The following POC1B variants were observed in gnomAD, a reference collection of about 807,000 sequenced individuals.
POC1B encodes the protein POC1 centriolar protein B, also known as POC1 centriolar protein homolog B.
A neutral mutation model predicts 60.6 loss-of-function variants in POC1B; 44 were observed. The ratio of observed to expected loss-of-function variants is 0.73; its 90% CI spans 0.57 to 0.93. The LOEUF (loss-of-function observed/expected upper bound fraction) is 0.93. POC1B is among the 40% of genes least tolerant of loss of function. POC1B has a pLI of 0.00. For synonymous variants in POC1B, 180 were observed against 198.9 expected (o/e 0.90, Z 0.80); for missense variants, 555 against 572.3 (o/e 0.97, Z 0.31).
chr12:89,402,353 A>ATGTGTTAT, the POC1B span, among the ~76,000 whole-genome samples: 54 of 152,046 alleles, frequency 3.6e-4, no homozygotes, highest in African/African-American at 1.3e-3. Flanking sequence ...ACACACACAC[A>ATGTGTTAT]CACACACACA....
At chr12:89,422,035 T>G (rs972741400) in intron 11 of POC1B, among the ~76,000 whole-genome samples, 1 of 138,134 alleles carries the variant, frequency 7.2e-6, no homozygotes, top group African/African-American at 2.5e-5. Context: ...TTCATTCTTT[T>G]GTATCTTTTT....
intron 2 of POC1B, among the ~76,000 whole-genome samples, chr12:89,511,308 T>C (rs570122234): frequency 4.0e-5 from 6 of 151,062 alleles, no homozygotes; most frequent in Non-Finnish European, 8.8e-5. Flanking sequence ...ACCAGCTACT[T>C]GGGAGGCTGA....
intron 3 of POC1B, among the ~76,000 whole-genome samples, chr12:89,495,635 T>C (rs1453548865): frequency 2.0e-5 from 3 of 152,174 alleles, no homozygotes; most frequent in East Asian, 1.9e-4. Context: ...CCAGTCTTTT[T>C]GGCACCAGAG....
At chr12:89,484,175 C>T (rs1868513258) in intron 4 of POC1B, among the ~76,000 whole-genome samples, 1 of 151,884 alleles carries the variant, frequency 6.6e-6, no homozygotes, top group South Asian at 2.1e-4. Flanking sequence ...GAGTAGAATA[C>T]TAAGAAATAG....
At chr12:89,490,188 C>T (rs1868880498) in intron 4 of POC1B, among the ~76,000 whole-genome samples, 1 of 152,176 alleles carries the variant, frequency 6.6e-6, no homozygotes, top group Admixed American at 6.5e-5. Flanking sequence ...GCTACTTAAC[C>T]ACCTGGTGGG....
In POC1B at chr12:89,497,248, G is replaced by T; in HGVS notation, c.195C>A (p.Ser65Arg). The change falls in exon 3 of 12, where the codon AGC becomes AGA. Residue 65 changes from serine (S) to arginine (R), a missense_variant. Coordinates refer to ENST00000313546, the MANE Select transcript of POC1B (RefSeq NM_172240.3). ...RYVGHKDVVTSVQFSPHGNLL... is the reference protein window; with the variant it reads ...RYVGHKDVVTRVQFSPHGNLL... ...AGTTTCCATGTGGAGAAAACTGCAC[G>T]CTGGTTACAACATCCTTGTGACCCA... The T allele has an allele frequency of 6.2e-7, 1 of 1,613,686 alleles. No individual in the cohort carries two copies. The highest frequency in any genetic ancestry group is 1.1e-5 in the South Asian group (1 of 91,070).
chr12:89,524,286 A>G (rs957707952), intron 2 of POC1B: 9 of 1,613,868 alleles, frequency 5.6e-6, no homozygotes, highest in Admixed American at 5.0e-5. Flanking sequence ...GCTTCAGTTC[A>G]TCCTCGTTGA....
intron 11 of POC1B, among the ~76,000 whole-genome samples, chr12:89,422,275 T>A (rs1436447288): frequency 6.6e-6 from 1 of 152,198 alleles, no homozygotes. Flanking sequence ...ATTGCTTTCT[T>A]GTGTTTCTTT....
At chr12:89,498,216 T>C (rs919185272) in intron 2 of POC1B, among the ~76,000 whole-genome samples, 1 of 152,206 alleles carries the variant, frequency 6.6e-6, no homozygotes, top group African/African-American at 2.4e-5. Context: ...ATTTGATGAT[T>C]AATAAAAGAA....
chr12:89,486,294 T>A (rs968685331), intron 4 of POC1B, among the ~76,000 whole-genome samples: 6 of 152,034 alleles, frequency 3.9e-5, no homozygotes, highest in Non-Finnish European at 5.9e-5. Context: ...AGAAGGGCAA[T>A]GTGGTGGCAT....
intron 9 of POC1B, among the ~76,000 whole-genome samples, chr12:89,465,712 G>T (rs1356711702): frequency 6.6e-6 from 1 of 151,994 alleles, no homozygotes; most frequent in African/African-American, 2.4e-5. Flanking sequence ...TACTTTAGAA[G>T]AACTGAAAAG....
the POC1B span, among the ~76,000 whole-genome samples, chr12:89,406,105 T>A: frequency 3.3e-5 from 5 of 151,406 alleles, no homozygotes; most frequent in East Asian, 2.0e-4. Context: ...ACCAGCAGAC[T>A]TCCCCCCACA....
rs778786547 is a variant in POC1B, at chr12:89,524,348, G to T, written c.100+772C>A. 3.1e-6 allele frequency: 5 copies of T among 1,613,856 alleles called. No individual in the cohort carries two copies. The African/African-American group carries it at 6.7e-5, about 22-fold the overall frequency. ...TCCCCAAGTGCACGGGAATCTGCAG[G>T]GGGCTTCTTATAAAGCGGTCGAGAC... On this transcript the variant is annotated intron_variant, in intron 2 of 11. Transcript: ENST00000313546.
Position 89,497,735 on chromosome 12 carries a change from G to A in POC1B, c.101-393C>T, listed in dbSNP as rs535319121. On this transcript the variant is annotated intron_variant, in intron 2 of 11. Transcript: ENST00000313546. ...GTCATGAGGACTGAATGTTTTTCCT[G>A]AGAGGGATGGATGAGATAATTTTTC... 2.0e-5 allele frequency among the ~76,000 whole-genome samples: 3 copies of A among 152,268 alleles called. No individual in the cohort carries two copies. The South Asian group carries it at 6.2e-4, about 32-fold the overall frequency.
chr12:89,483,901 G>C (rs185585780), intron 4 of POC1B, among the ~76,000 whole-genome samples: 258 of 152,324 alleles, frequency 1.7e-3, no homozygotes, highest in Middle Eastern at 0.014. Context: ...TAGCAAATAT[G>C]GGGGTAAATA....
At chr12:89,487,120 A>C (rs1239789095) in intron 4 of POC1B, among the ~76,000 whole-genome samples, 1 of 152,154 alleles carries the variant, frequency 6.6e-6, no homozygotes, top group Non-Finnish European at 1.5e-5. Context: ...AAATAAGCCT[A>C]AACACTGCCA....
chr12:89,510,467 C>T lies in POC1B; in HGVS notation c.101-13125G>A, dbSNP rs371989953. ...TCCCTGGTAGTCTCACAGTTTCCCA[C>T]TCTGCACATCCTGAGCTCAGCCAGG... On this transcript the variant is annotated intron_variant, in intron 2 of 11. Transcript: ENST00000313546. 3.3e-5 allele frequency among the ~76,000 whole-genome samples: 5 copies of T among 152,226 alleles called. No individual in the cohort carries two copies. In the East Asian group the frequency reaches 5.8e-4, roughly 18 times the overall value.
intron 9 of POC1B, among the ~76,000 whole-genome samples, chr12:89,464,230 C>G: frequency 6.6e-6 from 1 of 152,098 alleles, no homozygotes; most frequent in Middle Eastern, 3.2e-3. Context: ...TTGAAAAAAA[C>G]TTAATCTACT....
chr12:89,493,229 C>G (rs1240082726), intron 3 of POC1B, among the ~76,000 whole-genome samples: 1 of 152,198 alleles, frequency 6.6e-6, no homozygotes, highest in Admixed American at 6.5e-5. Context: ...CTATTTGCTA[C>G]AACGATTTTG....
Sources: gnomAD v4.1 joint callset for allele counts (sites outside exome capture counted in the v4.1 genomes callset) on GRCh38, gnomAD v4.1.1 for gene constraint, MANE v1.5 for transcripts, NCBI Gene and HGNC (gene_info 2026-07-23, HGNC 2026-07-21) for gene names.